CFAP74: variants seen among roughly 807,000 people sequenced by gnomAD.
The protein encoded by CFAP74 is cilia- and flagella-associated protein 74.
CFAP74 carries 124 observed loss-of-function variants against 188.9 expected under a neutral mutation model. The observed-to-expected ratio is 0.66, with a 90% CI of 0.57 to 0.76. The LOEUF (loss-of-function observed/expected upper bound fraction) is 0.76. CFAP74 is among the 30% of genes least tolerant of loss of function. The pLI, the probability that CFAP74 is intolerant of heterozygous loss-of-function variation, is 0.00. For missense variants in CFAP74, 2,198 were observed against 2,165.2 expected, an observed-to-expected ratio of 1.02 and a Z score of -0.30; for synonymous variants, 956 against 916.7, an observed-to-expected ratio of 1.04 and a Z score of -0.77.
rs375659518 is a variant in CFAP74 at position 1,926,617 on chromosome 1, C to T, written c.3772+35G>A. The T allele has an allele frequency of 1.6e-4, 253 of 1,545,826 alleles. 2 individuals carry two copies. In the South Asian group the frequency reaches 2.3e-3, roughly 14 times the overall value. On this transcript the variant is annotated intron_variant, in intron 30 of 38. Coordinates refer to ENST00000682832, the MANE Select transcript of CFAP74 (RefSeq NM_001304360.2). ...GGGAGGCGTGGGTGTGCCTGGGCAC[C>T]GGGGTGGAGGTGTGGGCGGGGCTTA...
At chr1:1,980,825 A>C (rs568536834) in intron 6 of CFAP74, among the ~76,000 whole-genome samples, 53 of 152,286 alleles carry the variant, frequency 3.5e-4, no homozygotes, top group African/African-American at 1.2e-3. Flanking sequence ...CCCTGCCCAG[A>C]CCACGACCCT....
intron 27 of CFAP74, among the ~76,000 whole-genome samples, chr1:1,928,445 G>A (rs1312250588): frequency 6.6e-6 from 1 of 152,212 alleles, no homozygotes; most frequent in East Asian, 1.9e-4. Context: ...GATTCTGCAG[G>A]ACACTCCGTG....
At chr1:1,946,910 GT>G in intron 19 of CFAP74, 79 bp downstream of exon 19, 4 of 1,142,220 alleles carry the variant, frequency 3.5e-6, no homozygotes, top group Non-Finnish European at 5.1e-6. Context: ...GGGCCAGTGG[GT>G]TGGGGTGCAG....
In CFAP74 at chr1:1,968,585, TG is replaced by T. The variant is rs56985589; in HGVS notation, c.1245+49del. ...CACACCTGAGCCCTGAGGCCCCACC[TG>T]CCCTCCACAGGTGTGCGGCTTCTGT... On this transcript the variant is annotated intron_variant, in intron 11 of 38. Transcript: ENST00000682832. This position sits in a 1 kb window ranked among gnomAD's most constrained non-coding sequence, Gnocchi z 4.3. The T allele has an allele frequency of 0.24, 366,042 of 1,514,578 alleles. 46,051 individuals are homozygous for T. Among genetic ancestry groups the T allele is most frequent in the East Asian group, 0.32 (14,224 of 44,196 alleles). The allele number at this position is 1,514,578 out of a possible 1,614,324, so 93.8% of individuals were successfully genotyped here.
At chr1:1,948,990 CTT>C (rs1558015163) in intron 18 of CFAP74, among the ~76,000 whole-genome samples, 3 of 110,180 alleles carry the variant, frequency 2.7e-5, no homozygotes, top group Admixed American at 9.7e-5. Flanking sequence ...CCCTCCTTTC[CTT>C]CATTCCCTTC....
chr1:1,954,998 C>T (rs1436918180), intron 18 of CFAP74: 7 of 1,136,408 alleles, frequency 6.2e-6, no homozygotes, highest in South Asian at 1.5e-5. Context: ...GGAAAGGAAA[C>T]GCCACGCAGT....
chr1:1,963,903 C>A lies in CFAP74; in HGVS notation c.1576-36G>T. 3 of 1,387,512 alleles carry A rather than the reference C, an allele frequency of 2.2e-6. No individual in the cohort carries two copies. In the South Asian group the frequency reaches 3.5e-5, roughly 16 times the overall value. The allele number at this position is 1,387,512 out of a possible 1,614,324, so 86.0% of individuals were successfully genotyped here. Reference sequence around the variant, plus strand: ...CCGAGGTAGCAGCTTCAGAGCGGGTCACAGGGGGCTGTGCTGTGAGCACCG... The same window carrying A: ...CCGAGGTAGCAGCTTCAGAGCGGGTAACAGGGGGCTGTGCTGTGAGCACCG... On this transcript the variant is annotated intron_variant, in intron 13 of 38. Transcript: ENST00000682832.
chr1:1,988,078 G>T, intron 4 of CFAP74: 1 of 470,306 alleles, frequency 2.1e-6, no homozygotes. Flanking sequence ...CAAGTCACTG[G>T]GACCACAGGC....
chr1:1,998,738 G>C (rs968824399), intron 1 of CFAP74, among the ~76,000 whole-genome samples: 2 of 151,920 alleles, frequency 1.3e-5, no homozygotes, highest in South Asian at 2.1e-4. Flanking sequence ...TTAGCCGGGC[G>C]TGGTGGCGGG....
At chr1:1,981,281 A>C (rs1359071559) in intron 6 of CFAP74, among the ~76,000 whole-genome samples, 1 of 152,184 alleles carries the variant, frequency 6.6e-6, no homozygotes, top group Non-Finnish European at 1.5e-5. Flanking sequence ...AGACGACAAA[A>C]GGAGTCACCA....
In CFAP74 at chr1:1,930,304, AC is replaced by A; in HGVS notation, c.3043del (p.Val1015SerfsTer34). On this transcript the variant is annotated frameshift_variant, in exon 26 of 39. Transcript: ENST00000682832. LOFTEE classifies it high-confidence loss of function. ...CFKLSCRAVG[V>X]HPPLELSHYQ... is the part of the protein sequence containing the mutation. Reference sequence around the variant, plus strand: ...GTGGGACAGCTCCAGGGGTGGGTGGACGCCTACAGCCCGGCAAGACAGCTTG... The same window carrying A: ...GTGGGACAGCTCCAGGGGTGGGTGGAGCCTACAGCCCGGCAAGACAGCTTG... 1.3e-6 allele frequency: 2 copies of A among 1,531,454 alleles called. No homozygotes were observed. The allele number at this position is 1,531,454 out of a possible 1,614,324, so 94.9% of individuals were successfully genotyped here.
At chr1:1,961,224 G>A (rs1398681227) in intron 14 of CFAP74, among the ~76,000 whole-genome samples, 1 of 152,192 alleles carries the variant, frequency 6.6e-6, no homozygotes. Context: ...ATGAATGGGG[G>A]AGGGGCGATG....
In CFAP74 at chr1:1,923,368, C is replaced by G. The variant is rs1216673442; in HGVS notation, c.4521G>C (p.Glu1507Asp). Residue 1507 changes from glutamate to aspartate, a missense_variant and splice_region_variant, in exon 36 of 39, where the codon GAG becomes GAC. By Grantham distance (45) the Glu-to-Asp change is conservative (BLOSUM62 2). Transcript: ENST00000682832. The surrounding 1 kb of genome is among the most constrained non-coding windows in gnomAD (Gnocchi z 6.3). Reference sequence around the variant, plus strand: ...TTCCCTCCCTGGGGAGGGGCTCACCCTCTCTGTGCCTGGGGTCAAATACAG... The same window carrying G: ...TTCCCTCCCTGGGGAGGGGCTCACCGTCTCTGTGCCTGGGGTCAAATACAG... Reference protein sequence around the residue: ...AIPVFDPRHREASSRPGPLSP... With the variant: ...AIPVFDPRHRDASSRPGPLSP... 5 of 1,567,758 alleles carry G rather than the reference C, an allele frequency of 3.2e-6. No homozygotes were observed. The highest frequency in any genetic ancestry group is 4.3e-6 in the Non-Finnish European group (5 of 1,156,494).
intron 20 of CFAP74, 50 bp from the exon 21 acceptor site, chr1:1,944,502 G>A (rs1171203298): frequency 1.3e-6 from 2 of 1,524,592 alleles, no homozygotes; most frequent in Non-Finnish European, 1.8e-6. Context: ...GGGCACAGCA[G>A]GCATTGTTGG....
Position 1,966,502 on chromosome 1 carries a change from CG to C in CFAP74, c.1269del (p.Ser426LeufsTer25). On this transcript the variant is annotated frameshift_variant, in exon 12 of 39. Transcript: ENST00000682832. LOFTEE classifies it high-confidence loss of function. ...YTLDYEAAAG[P>X]GPSRLLEVVS... ...ACGACTTCCAGCAACCGAGAGGGCC[CG>C]GGGCCTGCAGCAGCCTCGTAGTCCT... The C allele has an allele frequency of 6.3e-7, 1 of 1,582,680 alleles. No individual in the cohort carries two copies. The highest frequency in any genetic ancestry group is 8.6e-7 in the Non-Finnish European group (1 of 1,161,548).
Position 1,931,392 on chromosome 1 carries a change from T to C in CFAP74, c.3012-1056A>G, listed in dbSNP as rs193271647. Among the ~76,000 whole-genome samples the C allele has an allele frequency of 7.7e-3, 1,061 of 137,426 alleles. 13 individuals are homozygous for C. Among genetic ancestry groups the C allele is most frequent in the African/African-American group, 0.028 (1,006 of 35,606 alleles). 90.2% of individuals were successfully genotyped at this position (137,426 alleles called of 152,430 possible). ...TTGCAGTGAGCTGAGATCGCACCAC[T>C]GCACTCTAGCCTGGGTGACAGAGCA... is the stretch of plus-strand genomic sequence containing the variant. On this transcript the variant is annotated intron_variant, in intron 25 of 38. Coordinates refer to ENST00000682832, the MANE Select transcript of CFAP74 (RefSeq NM_001304360.2).
At chr1:1,958,493 G>C (rs1654827767) in intron 16 of CFAP74, among the ~76,000 whole-genome samples, 1 of 152,268 alleles carries the variant, frequency 6.6e-6, no homozygotes, top group African/African-American at 2.4e-5. Context: ...GCCGTTTGCT[G>C]TGTGGCAGGT....
intron 16 of CFAP74, 90 bp from the exon 17 acceptor site, chr1:1,956,874 TG>T: frequency 7.2e-7 from 1 of 1,379,888 alleles, no homozygotes; most frequent in Admixed American, 2.0e-5. Context: ...CAGGCAGGGC[TG>T]CCCTGAGCAT....
intron 38 of CFAP74, 89 bp downstream of exon 38, chr1:1,922,500 C>A (rs1281954244): frequency 1.5e-5 from 23 of 1,557,266 alleles, no homozygotes; most frequent in Non-Finnish European, 1.9e-5. Flanking sequence ...TCCACGGCCA[C>A]CTCCTCCCCT....
Sources: gnomAD v4.1 joint callset for allele counts (sites outside exome capture counted in the v4.1 genomes callset) on GRCh38, gnomAD v4.1.1 for gene constraint, Gnocchi (gnomAD v3.1) non-coding constraint, MANE v1.5 for transcripts, NCBI Gene and HGNC (gene_info 2026-07-23, HGNC 2026-07-21) for gene names.